Variants in OLA1 observed in about 807,000 individuals in gnomAD.
OLA1 encodes Obg like ATPase 1.
OLA1 carries 14 observed loss-of-function variants against 48.4 expected under a neutral mutation model. The observed-to-expected ratio is 0.29, with a 90% CI of 0.19 to 0.45. The LOEUF is 0.45. Ranked by LOEUF, OLA1 falls within the 20% of genes least tolerant of loss-of-function variation. The pLI is 1.00. For missense variants in OLA1, 325 were observed against 467.1 expected, an observed-to-expected ratio of 0.70 and a Z score of 2.80; for synonymous variants, 127 against 150.4, an observed-to-expected ratio of 0.84 and a Z score of 1.14.
In OLA1 at chr2:174,225,134, C is replaced by T. The variant is rs116268448; in HGVS notation, c.246-1974G>A. The stretch of plus-strand genomic sequence containing the variant: ...CTCTCCATAGTAATGAGTGAGTTCT[C>T]GCTCTGTTAGTTCACTGGAGAGCAG... On this transcript the variant is annotated intron_variant, in intron 3 of 10. Transcript: ENST00000284719. 3.4e-3 allele frequency among the ~76,000 whole-genome samples: 514 copies of T among 152,234 alleles called. 2 individuals are homozygous for T. Among genetic ancestry groups the T allele is most frequent in the African/African-American group, 0.012 (491 of 41,552 alleles).
chr2:174,123,659 A>C lies in OLA1; in HGVS notation c.566T>G (p.Val189Gly). ...LKPEYDIMCK[V>G]KSWVIDQKKP... The stretch of plus-strand genomic sequence containing the variant: ...CTTTTGATCTATAACCCAGGATTTT[A>C]CTTTGCACATTATATCCTACACATG... Residue 189 changes from valine (V) to glycine (G), a missense_variant, in exon 6 of 11, where the codon GTA becomes GGA. Physicochemically the swap from Val to Gly is moderately radical, Grantham distance 109. Coordinates refer to ENST00000284719, the MANE Select transcript of OLA1 (RefSeq NM_013341.5). The C allele has an allele frequency of 6.3e-7, 1 of 1,587,926 alleles. No individual in the cohort carries two copies. Among genetic ancestry groups the C allele is most frequent in the Non-Finnish European group, 8.6e-7 (1 of 1,165,724 alleles).
intron 4 of OLA1, among the ~76,000 whole-genome samples, chr2:174,147,174 C>T (rs558844114): frequency 3.3e-5 from 5 of 152,208 alleles, no homozygotes; most frequent in African/African-American, 1.2e-4. Context: ...CCCCTGTAAT[C>T]CCAGCACTTT....
At chr2:174,236,139 A>C (rs2105461492) in intron 2 of OLA1, among the ~76,000 whole-genome samples, 1 of 152,196 alleles carries the variant, frequency 6.6e-6, no homozygotes, top group African/African-American at 2.4e-5. Flanking sequence ...CAGTGTATAG[A>C]ATCCAATAAA....
chr2:174,111,459 T>A (rs892599971), intron 7 of OLA1, among the ~76,000 whole-genome samples: 1 of 152,200 alleles, frequency 6.6e-6, no homozygotes, highest in Non-Finnish European at 1.5e-5. Context: ...GGATAGAAAT[T>A]TGCCTTCCAA....
At chr2:174,158,548 T>C (rs940534104) in intron 4 of OLA1, among the ~76,000 whole-genome samples, 1 of 152,128 alleles carries the variant, frequency 6.6e-6, no homozygotes, top group Admixed American at 6.5e-5. Context: ...AAGAATGCAG[T>C]GTACAAAAAG....
At chr2:174,219,394 C>G (rs376582470) in intron 4 of OLA1, among the ~76,000 whole-genome samples, 1 of 142,652 alleles carries the variant, frequency 7.0e-6, no homozygotes, top group South Asian at 2.2e-4. Flanking sequence ...AAAATTCAAA[C>G]TATTGGCAAC....
In OLA1 at chr2:174,075,255, G is replaced by GGC. The variant is rs1684705802; in HGVS notation, c.*170_*171insGC. On this transcript the variant is annotated 3_prime_UTR_variant, in exon 11 of 11. Coordinates refer to ENST00000284719, the MANE Select transcript of OLA1 (RefSeq NM_013341.5). ...ACATTTAGTGAACCTGCATTTCATG[G>GGC]GGGGGGGGGGGTACACAGTATTTTA... is the stretch of plus-strand genomic sequence containing the variant. The GGC allele has an allele frequency of 2.7e-6, 1 of 374,698 alleles. No homozygotes were observed. The highest frequency in any genetic ancestry group is 2.7e-5 in the African/African-American group (1 of 36,944). The allele number at this position is 374,698 out of a possible 1,614,324, so 23.2% of individuals were successfully genotyped here. A position where few individuals can be genotyped will look rare whatever the true frequency, so the allele number is the denominator to read the frequency against.
At chr2:174,222,332 A>C (rs371544730) in intron 4 of OLA1, among the ~76,000 whole-genome samples, 1 of 152,176 alleles carries the variant, frequency 6.6e-6, no homozygotes, top group Non-Finnish European at 1.5e-5. Context: ...ACCAGAAACA[A>C]ATGCACTTAA....
chr2:174,107,709 A>C (rs1685548319), intron 7 of OLA1, among the ~76,000 whole-genome samples: 1 of 152,096 alleles, frequency 6.6e-6, no homozygotes, highest in African/African-American at 2.4e-5. Context: ...TGGATCCTAA[A>C]TCATTCTGAT....
intron 7 of OLA1, among the ~76,000 whole-genome samples, chr2:174,105,888 T>C (rs893557393): frequency 6.6e-6 from 1 of 152,036 alleles, no homozygotes; most frequent in Non-Finnish European, 1.5e-5. Context: ...TTCTCTAACT[T>C]TCTGAGCATT....
At chr2:174,182,232 A>C (rs2105414667) in intron 4 of OLA1, among the ~76,000 whole-genome samples, 1 of 152,304 alleles carries the variant, frequency 6.6e-6, no homozygotes, top group Non-Finnish European at 1.5e-5. Flanking sequence ...TTCTTTTTAA[A>C]AATCTCTTTC....
At chr2:174,207,330 G>T (rs1688138672) in intron 4 of OLA1, among the ~76,000 whole-genome samples, 1 of 152,082 alleles carries the variant, frequency 6.6e-6, no homozygotes, top group Non-Finnish European at 1.5e-5. Context: ...TATTTTTAAA[G>T]CCCTGAGCAA....
chr2:174,247,319 G>A, intron 1 of OLA1: 1 of 193,108 alleles, frequency 5.2e-6, no homozygotes, highest in Non-Finnish European at 1.1e-5. Context: ...GTTGCGGTGC[G>A]CCAAGATCAC....
intron 4 of OLA1, among the ~76,000 whole-genome samples, chr2:174,167,394 G>A (rs1244876251): frequency 1.3e-5 from 2 of 152,172 alleles, no homozygotes; most frequent in African/African-American, 4.8e-5. Context: ...TGACCAACAT[G>A]GTGAAACCCT....
intron 4 of OLA1, among the ~76,000 whole-genome samples, chr2:174,211,495 C>A (rs1424715801): frequency 6.6e-6 from 1 of 152,144 alleles, no homozygotes; most frequent in Non-Finnish European, 1.5e-5. Context: ...TGTTTTAATG[C>A]AGAACTCTAG....
At chr2:174,196,412 AATATTACAACACC>A (rs2105428088) in intron 4 of OLA1, among the ~76,000 whole-genome samples, 1 of 152,310 alleles carries the variant, frequency 6.6e-6, no homozygotes, top group South Asian at 2.1e-4. Context: ...AAATACCTTT[AATATTACAACACC>A]TTCTTATTTG....
At chr2:174,092,065 T>G in intron 7 of OLA1, among the ~76,000 whole-genome samples, 1 of 146,190 alleles carries the variant, frequency 6.8e-6, no homozygotes, top group Non-Finnish European at 1.5e-5. Flanking sequence ...AGGCGGAGGT[T>G]GCAGTGAGCC....
chr2:174,123,144 G>T, intron 7 of OLA1, 36 bp downstream of exon 7: 2 of 916,310 alleles, frequency 2.2e-6, no homozygotes, highest in South Asian at 1.4e-5. Flanking sequence ...GTACAGAGAT[G>T]ATGCATCTGG....
At position 174,195,917 on chromosome 2, in the gene OLA1, T is replaced by C. The variant is rs747312632; in HGVS notation, c.373+27116A>G. Among the ~76,000 whole-genome samples the C allele has an allele frequency of 4.0e-4, 61 of 152,160 alleles. 1 individual carries two copies. Among genetic ancestry groups the C allele is most frequent in the Non-Finnish European group, 1.5e-4 (10 of 67,964 alleles). ...TAGTCCCGAAACATGTTCAGTGAAA[T>C]AATTATCTAAAAATACTTGTCAACC... On this transcript the variant is annotated intron_variant, in intron 4 of 10. Transcript: ENST00000284719.
Sources: gnomAD v4.1 joint callset for allele counts (sites outside exome capture counted in the v4.1 genomes callset) on GRCh38, gnomAD v4.1.1 for gene constraint, MANE v1.5 for transcripts, NCBI Gene and HGNC (gene_info 2026-07-23, HGNC 2026-07-21) for gene names.